The following DAAM1 variants were observed in gnomAD, a reference collection of about 807,000 sequenced individuals.
The protein encoded by DAAM1 is disheveled-associated activator of morphogenesis 1.
A neutral mutation model predicts 130.0 loss-of-function variants in DAAM1; 52 were observed. The observed-to-expected ratio is 0.40, with a 90% confidence interval of 0.32 to 0.50. The LOEUF is 0.50. Among genes scored for constraint, DAAM1 ranks in the 20% least tolerant of loss-of-function variants. DAAM1 has a pLI of 0.61. For synonymous variants in DAAM1, 452 were observed against 444.5 expected (o/e 1.02, Z -0.21); for missense variants, 1,134 against 1,303.8 (o/e 0.87, Z 2.01).
chr14:59,237,101 T>A (rs2139455340), intron 1 of DAAM1, among the ~76,000 whole-genome samples: 1 of 152,286 alleles, frequency 6.6e-6, no homozygotes, highest in African/African-American at 2.4e-5. Flanking sequence ...ACCCCTAGCA[T>A]AGAGTCAGTT....
chr14:59,270,007 G>A (rs1267558134), intron 2 of DAAM1, among the ~76,000 whole-genome samples: 1 of 152,158 alleles, frequency 6.6e-6, no homozygotes, highest in African/African-American at 2.4e-5. Flanking sequence ...AGAGAAAAGT[G>A]CCTCTGTTTG....
At chr14:59,289,419 A>T (rs1458960262) in intron 2 of DAAM1, among the ~76,000 whole-genome samples, 1 of 152,168 alleles carries the variant, frequency 6.6e-6, no homozygotes, top group Admixed American at 6.5e-5. Context: ...AATGCATATC[A>T]AAACCACAAT....
At chr14:59,363,473 T>C (rs1886790991) in intron 22 of DAAM1, 178 bp from the exon 23 acceptor site, 5 of 788,696 alleles carry the variant, frequency 6.3e-6, no homozygotes, top group Non-Finnish European at 7.8e-6. Context: ...TGGGCATGGC[T>C]TTGGCATGGT....
intron 19 of DAAM1, among the ~76,000 whole-genome samples, chr14:59,354,906 G>A (rs1481721830): frequency 6.6e-6 from 1 of 152,220 alleles, no homozygotes; most frequent in East Asian, 1.9e-4. Flanking sequence ...TGATGAGTCA[G>A]CCAAGAAAGG....
Position 59,363,780 on chromosome 14 carries a change from C to T in DAAM1, c.2824C>T (p.Leu942=). Residue 942 remains leucine, a splice_region_variant and synonymous_variant, in exon 23 of 25, where the codon CTG becomes TTG. Transcript: ENST00000360909. ...VEDLLAEAKD[L]FTKAVKHFGE... The stretch of plus-strand genomic sequence containing the variant: ...AGACCTTCTAGCAGAAGCTAAAGAC[C>T]TGGTAAGTTTCCCCCTTGTGCACTG... 1.9e-6 allele frequency: 3 copies of T among 1,613,724 alleles called. No homozygotes were observed. Among genetic ancestry groups the T allele is most frequent in the East Asian group, 2.2e-5 (1 of 44,882 alleles).
chr14:59,254,866 T>C (rs1314127807), intron 1 of DAAM1, among the ~76,000 whole-genome samples: 16 of 152,220 alleles, frequency 1.1e-4, no homozygotes. Flanking sequence ...CATGCAGAGT[T>C]GGGCATAGTG....
At chr14:59,209,858 T>A (rs1176974821) in intron 1 of DAAM1, among the ~76,000 whole-genome samples, 6 of 152,132 alleles carry the variant, frequency 3.9e-5, no homozygotes, top group African/African-American at 1.4e-4. Flanking sequence ...GACTCATGCC[T>A]GTAATTACAA....
chr14:59,194,371 T>C (rs556691916), intron 1 of DAAM1, among the ~76,000 whole-genome samples: 1 of 152,368 alleles, frequency 6.6e-6, no homozygotes, highest in East Asian at 1.9e-4. Context: ...ATGATAAAAC[T>C]TTGGAGCTCT....
At chr14:59,196,969 GGAGT>G (rs1443468420) in intron 1 of DAAM1, among the ~76,000 whole-genome samples, 8 of 152,042 alleles carry the variant, frequency 5.3e-5, no homozygotes, top group Non-Finnish European at 8.8e-5. Context: ...CGCCCAGGCT[GGAGT>G]GCAGTGGCGC....
intron 1 of DAAM1, among the ~76,000 whole-genome samples, chr14:59,230,588 G>A (rs1203237011): frequency 6.6e-6 from 1 of 152,112 alleles, no homozygotes; most frequent in African/African-American, 2.4e-5. Context: ...GATTACCAGA[G>A]GCTGGGAAGG....
At chr14:59,354,547 G>A (rs1244772063) in intron 19 of DAAM1, among the ~76,000 whole-genome samples, 2 of 152,124 alleles carry the variant, frequency 1.3e-5, no homozygotes, top group Non-Finnish European at 2.9e-5. Context: ...ACTGCTACTA[G>A]CATTAAACCT....
chr14:59,333,999 A>C (rs1222798563), intron 15 of DAAM1, among the ~76,000 whole-genome samples: 1 of 152,252 alleles, frequency 6.6e-6, no homozygotes, highest in Non-Finnish European at 1.5e-5. Context: ...CATTTCAGTT[A>C]TACTTAACAC....
chr14:59,215,974 C>T (rs2139418986), intron 1 of DAAM1, among the ~76,000 whole-genome samples: 1 of 152,258 alleles, frequency 6.6e-6, no homozygotes, highest in Admixed American at 6.5e-5. Context: ...ATATGAATGA[C>T]AGGCTTGTTT....
chr14:59,233,645 T>C (rs1889189216), intron 1 of DAAM1, among the ~76,000 whole-genome samples: 1 of 152,214 alleles, frequency 6.6e-6, no homozygotes, highest in African/African-American at 2.4e-5. Context: ...TTTAATTAGA[T>C]CCCATTTATC....
intron 22 of DAAM1, chr14:59,363,050 CATTGCTGTGATAA>C (rs1886773474): frequency 1.3e-5 from 2 of 152,462 alleles, no homozygotes; most frequent in African/African-American, 4.8e-5. Context: ...CATCTGCGTT[CATTGCTGTGATAA>C]TGGAAATATG....
At chr14:59,335,959 C>T (rs1335855957) in intron 15 of DAAM1, among the ~76,000 whole-genome samples, 7 of 150,974 alleles carry the variant, frequency 4.6e-5, no homozygotes, top group Admixed American at 2.0e-4. Context: ...ATATTTATTT[C>T]AGTAGGCTTG....
chr14:59,370,617 TC>T lies in DAAM1; in HGVS notation c.*1759del, dbSNP rs1276248599. 1 of 152,138 alleles carries T rather than the reference TC, an allele frequency of 6.6e-6. No individual in the cohort carries two copies. The highest frequency in any genetic ancestry group is 6.6e-5 in the Admixed American group (1 of 15,264). The allele number at this position is 152,138 out of a possible 1,614,324, so 9.4% of individuals were successfully genotyped here. ...TTCCTCATTGCAAATTTAGTGACTT[TC>T]TACACACTATATGGAAATAAATGAC... On this transcript the variant is annotated 3_prime_UTR_variant, in exon 25 of 25. Coordinates refer to ENST00000360909, the MANE Select transcript of DAAM1 (RefSeq NM_001270520.2).
At chr14:59,217,816 A>C (rs1052717541) in intron 1 of DAAM1, among the ~76,000 whole-genome samples, 8 of 151,980 alleles carry the variant, frequency 5.3e-5, no homozygotes, top group African/African-American at 1.2e-4. Flanking sequence ...ACTAAAAAAA[A>C]CCCAAAAAAC....
chr14:59,342,982 G>A (rs946842039), intron 16 of DAAM1, among the ~76,000 whole-genome samples: 1 of 152,164 alleles, frequency 6.6e-6, no homozygotes, highest in African/African-American at 2.4e-5. Flanking sequence ...AGGAGAGCCC[G>A]AAATTCAGGC....
Sources: gnomAD v4.1 joint callset for allele counts (sites outside exome capture counted in the v4.1 genomes callset) on GRCh38, gnomAD v4.1.1 for gene constraint, MANE v1.5 for transcripts, NCBI Gene and HGNC (gene_info 2026-07-23, HGNC 2026-07-21) for gene names.